AIDA: variants seen among roughly 807,000 people sequenced by gnomAD.
The protein encoded by AIDA is axin interactor, dorsalization associated.
In AIDA, 18 loss-of-function variants were observed where a neutral mutation model predicts 42.7. That is an observed-to-expected ratio of 0.42 (90% CI 0.29 to 0.63). AIDA has a LOEUF of 0.63. Ranked by LOEUF, AIDA falls within the 20% of genes least tolerant of loss-of-function variation. AIDA has a pLI of 0.19. For missense variants in AIDA, 250 were observed against 354.1 expected (o/e 0.71, Z 2.36); for synonymous variants, 104 against 122.9 (o/e 0.85, Z 1.02).
At chr1:222,689,619 A>G (rs1382650749) in intron 4 of AIDA, among the ~76,000 whole-genome samples, 1 of 146,354 alleles carries the variant, frequency 6.8e-6, no homozygotes, top group African/African-American at 2.5e-5. Context: ...ACACACACGT[A>G]TATATATTTG....
chr1:222,685,616 T>C (rs569220533), intron 6 of AIDA, among the ~76,000 whole-genome samples: 18 of 152,326 alleles, frequency 1.2e-4, no homozygotes, highest in African/African-American at 3.6e-4. Flanking sequence ...TAAACTAGTT[T>C]ATTAGAAATA....
rs527264187 is a variant in AIDA, at chr1:222,681,421, T to C, written c.461-5203A>G. On this transcript the variant is annotated intron_variant, in intron 6 of 9. Transcript: ENST00000340020. ...GCTTACACCTGTAATCCCAGCACTT[T>C]GGGAGGCCAAGGTGGGTGGATTACC... 3.7e-4 allele frequency among the ~76,000 whole-genome samples: 56 copies of C among 152,306 alleles called. 1 individual carries two copies. The highest frequency in any genetic ancestry group is 3.6e-3 in the Admixed American group (55 of 15,300).
chr1:222,684,774 A>G (rs948985595), intron 6 of AIDA, among the ~76,000 whole-genome samples: 3 of 152,216 alleles, frequency 2.0e-5, no homozygotes, highest in African/African-American at 7.2e-5. Flanking sequence ...AATGGATTTA[A>G]TTTATGGTAG....
chr1:222,693,308 T>C (rs972550916), intron 4 of AIDA, among the ~76,000 whole-genome samples: 13 of 152,176 alleles, frequency 8.5e-5, no homozygotes, highest in African/African-American at 3.1e-4. Flanking sequence ...AAAAGCTTTA[T>C]TTGGCAGCAT....
chr1:222,704,886 A>C (rs1236053694), intron 1 of AIDA, among the ~76,000 whole-genome samples: 1 of 152,208 alleles, frequency 6.6e-6, no homozygotes, highest in African/African-American at 2.4e-5. Context: ...CATATTATGT[A>C]CTATTCTGGG....
Position 222,712,234 on chromosome 1 carries a change from C to T in AIDA, c.84G>A (p.Leu28=), listed in dbSNP as rs1346079251. The T allele has an allele frequency of 6.2e-7, 1 of 1,602,216 alleles. No homozygotes were observed. Among genetic ancestry groups the T allele is most frequent in the South Asian group, 1.1e-5 (1 of 89,122 alleles). Residue 28 remains leucine (L), a synonymous_variant, in exon 1 of 10, where the codon CTG becomes CTA. Coordinates refer to ENST00000340020, the MANE Select transcript of AIDA (RefSeq NM_022831.4). The part of the protein sequence containing the change: ...RGADFDSWGQ[L]VEAIDEYQIL... ...TCTGATACTCGTCTATCGCCTCCAC[C>T]AGCTGGCCCCAAGAGTCGAAGTCGG...
At chr1:222,691,315 G>A (rs1655360967) in intron 4 of AIDA, among the ~76,000 whole-genome samples, 1 of 152,202 alleles carries the variant, frequency 6.6e-6, no homozygotes, top group African/African-American at 2.4e-5. Context: ...AGAAGTGGCA[G>A]AAGATGAAAG....
chr1:222,690,737 A>G (rs1309346756), intron 4 of AIDA, among the ~76,000 whole-genome samples: 1 of 151,680 alleles, frequency 6.6e-6, no homozygotes, highest in Admixed American at 6.6e-5. Context: ...TCTTATATAT[A>G]TAATCTTATA....
chr1:222,682,327 T>G (rs957157064), intron 6 of AIDA, among the ~76,000 whole-genome samples: 1 of 152,100 alleles, frequency 6.6e-6, no homozygotes, highest in Non-Finnish European at 1.5e-5. Flanking sequence ...TCTCAGAAAA[T>G]TACTAAGGAT....
At chr1:222,672,320 G>A (rs1266748398) in intron 8 of AIDA, among the ~76,000 whole-genome samples, 1 of 152,136 alleles carries the variant, frequency 6.6e-6, no homozygotes, top group Admixed American at 6.5e-5. Flanking sequence ...AGGCAATGGA[G>A]TTAAAGAAAT....
chr1:222,688,446 A>G (rs1025998662), intron 4 of AIDA, among the ~76,000 whole-genome samples: 4 of 152,176 alleles, frequency 2.6e-5, no homozygotes, highest in Non-Finnish European at 4.4e-5. Flanking sequence ...CATACATGAC[A>G]GTGGTCCCAT....
At chr1:222,687,534 G>A in intron 5 of AIDA, 61 bp downstream of exon 5, 1 of 1,372,160 alleles carries the variant, frequency 7.3e-7, no homozygotes, top group Non-Finnish European at 9.9e-7. Context: ...AGAAAACCCA[G>A]AACTATCTGA....
intron 1 of AIDA, among the ~76,000 whole-genome samples, chr1:222,705,839 G>A (rs572105789): frequency 1.3e-5 from 2 of 151,990 alleles, no homozygotes; most frequent in South Asian, 2.1e-4. Flanking sequence ...AGCCAAGATC[G>A]CACCACTGCA....
intron 2 of AIDA, among the ~76,000 whole-genome samples, chr1:222,694,693 T>C (rs1484457344): frequency 3.3e-5 from 5 of 152,226 alleles, no homozygotes; most frequent in African/African-American, 7.2e-5. Flanking sequence ...GTTTAATATA[T>C]AGGCAACACT....
intron 5 of AIDA, 96 bp from the exon 6 acceptor site, chr1:222,687,132 TA>T: frequency 2.6e-6 from 4 of 1,529,178 alleles, no homozygotes; most frequent in Non-Finnish European, 2.6e-6. Flanking sequence ...GATGCTGATA[TA>T]AAAAAATGCT....
intron 7 of AIDA, among the ~76,000 whole-genome samples, chr1:222,674,943 A>G (rs1221623069): frequency 1.3e-5 from 2 of 152,224 alleles, no homozygotes; most frequent in Admixed American, 6.5e-5. Flanking sequence ...ACATTCCTGC[A>G]TGAGTTACGC....
Position 222,670,172 on chromosome 1 carries a change from T to G in AIDA, c.785A>C (p.Glu262Ala). 4 of 1,614,098 alleles carry G rather than the reference T, an allele frequency of 2.5e-6. No homozygotes were observed. The highest frequency in any genetic ancestry group is 2.5e-6 in the Non-Finnish European group (3 of 1,179,984). Reference protein sequence around the residue: ...FTSTKCFAFMEMDEIKPGPIV... With the variant: ...FTSTKCFAFMAMDEIKPGPIV... ...TGGCCCAGGTTTAATTTCATCCATC[T>G]CCATGAAAGCAAAACACTTGGTGCT... Residue 262 changes from glutamate (E) to alanine (A), a missense_variant, in exon 9 of 10, where the codon GAG becomes GCG. By Grantham distance (107) the Glu-to-Ala change is moderately radical. This residue lies in a region of AIDA where 35 missense variants were observed against 75.9 expected (regional missense o/e 0.46). Transcript: ENST00000340020.
chr1:222,686,402 TGTG>T (rs1655183576), intron 6 of AIDA, among the ~76,000 whole-genome samples: 1 of 152,274 alleles, frequency 6.6e-6, no homozygotes, highest in Admixed American at 6.5e-5. Flanking sequence ...AGTCTGGAAT[TGTG>T]GTCTGTGCCA....
chr1:222,691,189 G>A (rs1459414770), intron 4 of AIDA, among the ~76,000 whole-genome samples: 1 of 151,942 alleles, frequency 6.6e-6, no homozygotes, highest in Non-Finnish European at 1.5e-5. Context: ...GTAGGGAAAG[G>A]GCTTTCCAGG....
Sources: allele counts gnomAD v4.1 joint callset (sites outside exome capture counted in the v4.1 genomes callset), GRCh38; gene constraint gnomAD v4.1.1; regional missense constraint gnomAD v4.1.1; transcripts MANE v1.5; gene names NCBI Gene and HGNC (gene_info 2026-07-23, HGNC 2026-07-21).